TEAD1: variants seen among roughly 807,000 people sequenced by gnomAD.
The protein encoded by TEAD1 is TEA domain transcription factor 1, also known as transcriptional enhancer factor TEF-1.
Under a neutral mutation model 54.9 loss-of-function variants are expected in TEAD1, and 9 were observed. That is an observed-to-expected ratio of 0.16 (90% CI 0.10 to 0.29). The LOEUF (loss-of-function observed/expected upper bound fraction) is 0.29, where lower values mean the gene tolerates loss of function less well. Ranked by LOEUF, TEAD1 falls within the 10% of genes least tolerant of loss-of-function variation. The probability of loss-of-function intolerance (pLI) is 1.00; values close to 1 mark genes in which losing one functional copy is unlikely to be tolerated. For missense variants in TEAD1, 387 were observed against 535.9 expected (o/e 0.72, Z 2.74); for synonymous variants, 200 against 187.8 (o/e 1.07, Z -0.53).
chr11:12,850,243 A>C (rs1947246096), intron 3 of TEAD1, among the ~76,000 whole-genome samples: 1 of 152,176 alleles, frequency 6.6e-6, no homozygotes. Flanking sequence ...CGAGCCCAGC[A>C]TGACCAGCGT....
chr11:12,882,037 C>T (rs753046492), intron 8 of TEAD1, 80 bp downstream of exon 8: 11 of 1,484,710 alleles, frequency 7.4e-6, no homozygotes, highest in Middle Eastern at 3.4e-4. Flanking sequence ...TTCCCAGAGT[C>T]AAGAGATGCT....
At chr11:12,689,319 T>C (rs1327003306) in intron 2 of TEAD1, among the ~76,000 whole-genome samples, 1 of 152,234 alleles carries the variant, frequency 6.6e-6, no homozygotes, top group African/African-American at 2.4e-5. Context: ...TGATAGTTGT[T>C]ACTATTTTGG....
intron 12 of TEAD1, among the ~76,000 whole-genome samples, chr11:12,932,422 A>G (rs1322250369): frequency 6.7e-6 from 1 of 149,488 alleles, no homozygotes; most frequent in Non-Finnish European, 1.5e-5. Flanking sequence ...CTTGGGGGGG[A>G]GTCTTAGCTG....
At chr11:12,908,994 GTA>G (rs1948572821) in intron 10 of TEAD1, among the ~76,000 whole-genome samples, 1 of 150,084 alleles carries the variant, frequency 6.7e-6, no homozygotes, top group Admixed American at 6.6e-5. Context: ...TAAAATAGTT[GTA>G]GCAGTTACTC....
chr11:12,725,198 AAATCGAGGTG>A (rs1564919389), intron 2 of TEAD1, among the ~76,000 whole-genome samples: 1 of 152,190 alleles, frequency 6.6e-6, no homozygotes, highest in Non-Finnish European at 1.5e-5. Context: ...ATGGATGAGG[AAATCGAGGTG>A]CACAGAGGTT....
At chr11:12,676,720 T>G (rs1363464615) in intron 2 of TEAD1, among the ~76,000 whole-genome samples, 2 of 152,218 alleles carry the variant, frequency 1.3e-5, no homozygotes, top group Admixed American at 6.5e-5. Context: ...GAAAGGCTTA[T>G]TTTTCTAATC....
chr11:12,858,334 G>C (rs1014067715), intron 3 of TEAD1, among the ~76,000 whole-genome samples: 1 of 152,094 alleles, frequency 6.6e-6, no homozygotes, highest in East Asian at 1.9e-4. Flanking sequence ...GAGCCATAGT[G>C]TTAATGTTTT....
chr11:12,805,087 G>C (rs993976915), intron 3 of TEAD1, among the ~76,000 whole-genome samples: 3 of 152,302 alleles, frequency 2.0e-5, no homozygotes, highest in Admixed American at 1.3e-4. Flanking sequence ...TCTGCTTTAG[G>C]ATATAGCGAG....
chr11:12,706,292 C>T (rs1255173539), intron 2 of TEAD1, among the ~76,000 whole-genome samples: 5 of 152,156 alleles, frequency 3.3e-5, no homozygotes, highest in East Asian at 1.9e-4. Flanking sequence ...AAATATTCTA[C>T]ATTAAAAGAG....
chr11:12,879,674 T>C (rs372678560), intron 5 of TEAD1, 34 bp from the exon 6 acceptor site: 99 of 1,613,942 alleles, frequency 6.1e-5, no homozygotes, highest in Non-Finnish European at 8.1e-5. Context: ...CCATGCGTTA[T>C]GTATTAAGTT....
chr11:12,830,620 C>G lies in TEAD1; in HGVS notation c.203-31630C>G, dbSNP rs115044679. The stretch of plus-strand genomic sequence containing the variant: ...CTCACGTGGTCTTAATAAACAAAAT[C>G]TAGAACGTGCTCATCCTTTAAAAAA... On this transcript the variant is annotated intron_variant, in intron 3 of 12. Transcript: ENST00000527636. 7.1e-3 allele frequency among the ~76,000 whole-genome samples: 1,080 copies of G among 152,152 alleles called. 12 individuals are homozygous for G. The highest frequency in any genetic ancestry group is 0.025 in the African/African-American group (1,027 of 41,492).
At chr11:12,682,822 T>C (rs1161233653) in intron 2 of TEAD1, among the ~76,000 whole-genome samples, 1 of 152,168 alleles carries the variant, frequency 6.6e-6, no homozygotes, top group East Asian at 1.9e-4. Context: ...TGTACAGAGG[T>C]CATGGCAATC....
chr11:12,738,287 C>T (rs4553350), intron 2 of TEAD1, among the ~76,000 whole-genome samples: 51,914 of 151,990 alleles, frequency 0.34, 9,903 homozygotes, highest in South Asian at 0.61. Context: ...ATTACTGCCC[C>T]GTACCTTCTG....
intron 3 of TEAD1, among the ~76,000 whole-genome samples, chr11:12,816,843 A>G (rs1946426154): frequency 6.6e-6 from 1 of 152,112 alleles, no homozygotes; most frequent in Non-Finnish European, 1.5e-5. Flanking sequence ...ACAGGTGATG[A>G]TGGCATTACA....
chr11:12,876,872 C>G (rs1947863201), intron 5 of TEAD1, among the ~76,000 whole-genome samples: 1 of 152,124 alleles, frequency 6.6e-6, no homozygotes, highest in Admixed American at 6.5e-5. Context: ...TGTTCATGGG[C>G]TACCCTCTGA....
intron 2 of TEAD1, among the ~76,000 whole-genome samples, chr11:12,680,055 C>T (rs1054834565): frequency 6.7e-6 from 1 of 148,644 alleles, no homozygotes; most frequent in Non-Finnish European, 1.5e-5. Context: ...GAGAGAAATA[C>T]GCAATTGTTA....
intron 3 of TEAD1, among the ~76,000 whole-genome samples, chr11:12,811,291 T>A (rs1466378525): frequency 6.6e-6 from 1 of 152,188 alleles, no homozygotes; most frequent in African/African-American, 2.4e-5. Context: ...CAGTTTTCTT[T>A]CATAAGAATC....
chr11:12,890,690 G>A (rs1485668783), intron 9 of TEAD1, among the ~76,000 whole-genome samples: 1 of 152,228 alleles, frequency 6.6e-6, no homozygotes, highest in East Asian at 1.9e-4. Flanking sequence ...CCAGAGCTCT[G>A]GACAGGGATC....
intron 3 of TEAD1, among the ~76,000 whole-genome samples, chr11:12,855,252 TG>T (rs1312455129): frequency 6.6e-6 from 1 of 152,142 alleles, no homozygotes; most frequent in African/African-American, 2.4e-5. Flanking sequence ...TTTTGGTTGT[TG>T]GCTTGCTTGC....
Sources: allele counts gnomAD v4.1 joint callset (sites outside exome capture counted in the v4.1 genomes callset), GRCh38; gene constraint gnomAD v4.1.1; transcripts MANE v1.5; gene names NCBI Gene and HGNC (gene_info 2026-07-23, HGNC 2026-07-21).